Variants in FYB2 observed in about 807,000 individuals in gnomAD.
FYB2 encodes FYN-binding protein 2.
Under a neutral mutation model 94.1 loss-of-function variants are expected in FYB2, and 103 were observed. The ratio of observed to expected loss-of-function variants is 1.09; its 90% CI spans 0.93 to 1.29. FYB2 has a LOEUF of 1.29. Among genes scored for constraint, FYB2 ranks in the 50% most tolerant of loss-of-function variants. FYB2 has a pLI of 0.00. For missense variants in FYB2, 896 were observed against 841.5 expected, an observed-to-expected ratio of 1.06 and a Z score of -0.80; for synonymous variants, 293 against 287.9, an observed-to-expected ratio of 1.02 and a Z score of -0.18.
At chr1:56,724,073 A>G (rs540619969) in intron 16 of FYB2, among the ~76,000 whole-genome samples, 1 of 150,274 alleles carries the variant, frequency 6.7e-6, no homozygotes, top group Admixed American at 6.6e-5. Context: ...TCTTTTTTTT[A>G]GGTTTAGGAA....
chr1:56,774,920 C>T (rs1276420012), intron 4 of FYB2, among the ~76,000 whole-genome samples: 1 of 152,104 alleles, frequency 6.6e-6, no homozygotes, highest in Non-Finnish European at 1.5e-5. Context: ...ACTCCAAGTT[C>T]TTCAGCTTTT....
rs755534793 is a variant in FYB2, at chr1:56,720,187, T to C, written c.2117A>G (p.Asn706Ser). Residue 706 changes from asparagine (N) to serine (S), a missense_variant, in exon 18 of 20, where the codon AAT becomes AGT. By Grantham distance (46) the Asn-to-Ser change is conservative (BLOSUM62 1). Coordinates refer to ENST00000343433, the MANE Select transcript of FYB2 (RefSeq NM_001004303.5). ...AATAAACTTACATTTGCCTTTAGAA[T>C]TACGACATATCACTAGATTTTGTTC... Reference protein sequence around the residue: ...TTEQNLVICRNSKGKYGYVLI... With the variant: ...TTEQNLVICRSSKGKYGYVLI... 29 of 1,609,628 alleles carry C rather than the reference T, an allele frequency of 1.8e-5. No homozygotes were observed. The African/African-American group carries it at 3.2e-4, about 18-fold the overall frequency.
chr1:56,728,436 C>A (rs1281165162), intron 15 of FYB2, among the ~76,000 whole-genome samples: 3 of 152,088 alleles, frequency 2.0e-5, no homozygotes, highest in Non-Finnish European at 4.4e-5. Flanking sequence ...ATGAAAGCCA[C>A]AGTCCCTACC....
At chr1:56,731,695 G>C (rs1644714593) in intron 15 of FYB2, among the ~76,000 whole-genome samples, 1 of 151,938 alleles carries the variant, frequency 6.6e-6, no homozygotes, top group South Asian at 2.1e-4. Context: ...TTCAACATAG[G>C]CAAATCAATA....
At chr1:56,761,069 T>C (rs1034229126) in intron 5 of FYB2, among the ~76,000 whole-genome samples, 3 of 152,182 alleles carry the variant, frequency 2.0e-5, no homozygotes, top group South Asian at 2.1e-4. Context: ...TATCTGAAGA[T>C]GGTCCTCAGC....
Position 56,792,391 on chromosome 1 carries a change from CAG to C in FYB2, c.420_421del (p.Trp141GlufsTer11), listed in dbSNP as rs763610208. ...CTGAGATGAAACCTTCTCCCAGTTC[CAG>C]AGTTTGTTTCTGAAGCTATTGGCCA... On this transcript the variant is annotated frameshift_variant, in exon 2 of 20. Coordinates refer to ENST00000343433, the MANE Select transcript of FYB2 (RefSeq NM_001004303.5). LOFTEE classifies it high-confidence loss of function. 10 of 1,614,004 alleles carry C rather than the reference CAG, an allele frequency of 6.2e-6. No homozygotes were observed. The highest frequency in any genetic ancestry group is 8.5e-6 in the Non-Finnish European group (10 of 1,180,030).
At chr1:56,770,232 AAC>A (rs1269444967) in intron 4 of FYB2, among the ~76,000 whole-genome samples, 1 of 152,150 alleles carries the variant, frequency 6.6e-6, no homozygotes, top group African/African-American at 2.4e-5. Context: ...CTGAGAAAGA[AAC>A]ACAAAAACTA....
chr1:56,809,664 G>T (rs1646722378), intron 1 of FYB2, among the ~76,000 whole-genome samples: 1 of 152,142 alleles, frequency 6.6e-6, no homozygotes, highest in African/African-American at 2.4e-5. Flanking sequence ...TGCTCCTAGA[G>T]CTCCTGTCCC....
chr1:56,767,759 G>A, intron 5 of FYB2, 70 bp downstream of exon 5: 1 of 1,197,596 alleles, frequency 8.4e-7, no homozygotes. Context: ...TTAGCTAAAG[G>A]GAAAATATCA....
chr1:56,755,832 C>A, intron 7 of FYB2, 64 bp downstream of exon 7: 1 of 1,486,386 alleles, frequency 6.7e-7, no homozygotes, highest in Non-Finnish European at 9.3e-7. Flanking sequence ...TAGAGGAAAA[C>A]TAGTTCAGTC....
intron 1 of FYB2, among the ~76,000 whole-genome samples, chr1:56,809,358 AT>A (rs58070613): frequency 0.04 from 6,096 of 151,586 alleles, 446 homozygotes; most frequent in East Asian, 0.3. Flanking sequence ...CTCCCTCTGA[AT>A]TTTTTTTTCT....
At chr1:56,770,915 A>G (rs1026269990) in intron 4 of FYB2, among the ~76,000 whole-genome samples, 1 of 152,178 alleles carries the variant, frequency 6.6e-6, no homozygotes, top group Non-Finnish European at 1.5e-5. Flanking sequence ...GGAAATCAAG[A>G]TAACGAAAAT....
At chr1:56,763,983 T>C (rs911495703) in intron 5 of FYB2, among the ~76,000 whole-genome samples, 2 of 151,674 alleles carry the variant, frequency 1.3e-5, no homozygotes, top group Non-Finnish European at 2.9e-5. Context: ...GGAGTTTTGC[T>C]CTTATTGCCC....
At chr1:56,728,088 G>A (rs1644621727) in intron 15 of FYB2, among the ~76,000 whole-genome samples, 1 of 152,070 alleles carries the variant, frequency 6.6e-6, no homozygotes, top group South Asian at 2.1e-4. Context: ...TCCATCTTAT[G>A]CCAAATTACA....
chr1:56,791,894 C>T (rs1646274450), intron 2 of FYB2, among the ~76,000 whole-genome samples, 162 bp downstream of exon 2: 1 of 152,214 alleles, frequency 6.6e-6, no homozygotes, highest in South Asian at 2.1e-4. Context: ...TTACTCAAAC[C>T]CGAGGTTACA....
At position 56,756,057 on chromosome 1, in the gene FYB2, A is replaced by T. The variant is rs527953742; in HGVS notation, c.1099-130T>A. The T allele has an allele frequency of 8.4e-5, 60 of 717,276 alleles. No individual in the cohort carries two copies. In the African/African-American group the frequency reaches 1.0e-3, roughly 12 times the overall value. The allele number at this position is 717,276 out of a possible 1,614,324, so 44.4% of individuals were successfully genotyped here. A position where few individuals can be genotyped will look rare whatever the true frequency, so the allele number is the denominator to read the frequency against. On this transcript the variant is annotated intron_variant, in intron 6 of 19. Coordinates refer to ENST00000343433, the MANE Select transcript of FYB2 (RefSeq NM_001004303.5). ...AAGCCTCAGTAGAGAGCAAAGGCAG[A>T]CACTGACCACAGAAAGTTCCAGGAA...
At chr1:56,751,234 G>T (rs1050121805) in intron 8 of FYB2, 31 bp from the exon 9 acceptor site, 2 of 1,602,140 alleles carry the variant, frequency 1.2e-6, no homozygotes, top group Non-Finnish European at 1.7e-6. Flanking sequence ...GAATACTGTA[G>T]GGCTGTGACT....
At chr1:56,819,996 G>A (rs115696439), upstream of FYB2, among the ~76,000 whole-genome samples, 4,301 of 152,210 alleles carry the variant, frequency 0.028, 83 homozygotes, top group Non-Finnish European at 0.045. Context: ...GGGAGGTCGA[G>A]GTGTGTGGAT....
In FYB2 at chr1:56,738,521, T is replaced by C. The variant is rs975618843; in HGVS notation, c.1732+104A>G. The C allele has an allele frequency of 7.0e-5, 84 of 1,205,034 alleles. 1 individual carries two copies. The highest frequency in any genetic ancestry group is 9.4e-5 in the Non-Finnish European group (81 of 864,424). The allele number at this position is 1,205,034 out of a possible 1,614,324, so 74.6% of individuals were successfully genotyped here. A position where few individuals can be genotyped will look rare whatever the true frequency, so the allele number is the denominator to read the frequency against. Reference sequence around the variant, plus strand: ...TCTTTGATTTTGGTAGAGCAATTTTTCATCAAATGTGGGAATGCAGGAAGG... The same window carrying C: ...TCTTTGATTTTGGTAGAGCAATTTTCCATCAAATGTGGGAATGCAGGAAGG... On this transcript the variant is annotated intron_variant, in intron 14 of 19. Transcript: ENST00000343433.
Sources: allele counts gnomAD v4.1 joint callset (sites outside exome capture counted in the v4.1 genomes callset), GRCh38; gene constraint gnomAD v4.1.1; transcripts MANE v1.5; gene names NCBI Gene and HGNC (gene_info 2026-07-23, HGNC 2026-07-21).